The following SPTBN1 variants were observed in gnomAD, a reference collection of about 807,000 sequenced individuals.
SPTBN1 encodes the protein spectrin beta, non-erythrocytic 1.
In SPTBN1, 32 loss-of-function variants were observed where a neutral mutation model predicts 266.4. The observed-to-expected ratio is 0.12, with a 90% CI of 0.09 to 0.16. The LOEUF (loss-of-function observed/expected upper bound fraction) is 0.16. Among genes scored for constraint, SPTBN1 ranks in the 10% least tolerant of loss-of-function variants. SPTBN1 has a pLI of 1.00. For synonymous variants in SPTBN1, 1,336 were observed against 1,162.2 expected (o/e 1.15, Z -3.04); for missense variants, 2,296 against 3,067.1 (o/e 0.75, Z 5.94).
At position 54,558,134 on chromosome 2, in the gene SPTBN1, T is replaced by A; in HGVS notation, c.148+31568T>A. The A allele has an allele frequency of 5.1e-6, 5 of 985,344 alleles. No homozygotes were observed. The highest frequency in any genetic ancestry group is 6.0e-6 in the Non-Finnish European group (5 of 829,886). The allele number at this position is 985,344 out of a possible 1,614,324, so 61.0% of individuals were successfully genotyped here. A position where few individuals can be genotyped will look rare whatever the true frequency, so the allele number is the denominator to read the frequency against. On this transcript the variant is annotated intron_variant, in intron 2 of 35. Coordinates refer to ENST00000356805, the MANE Select transcript of SPTBN1 (RefSeq NM_003128.3). This position sits in a 1 kb window ranked among gnomAD's most constrained non-coding sequence, Gnocchi z 4.6. ...CAAAAGATTGTAATTCCAGCAGCTCTGTTTGGGAAGGCACTACCGCGGCGA... is the reference window on the plus strand; with the variant it reads ...CAAAAGATTGTAATTCCAGCAGCTCAGTTTGGGAAGGCACTACCGCGGCGA...
Position 54,626,186 on chromosome 2 carries a change from G to A in SPTBN1, c.1596G>A (p.Lys532=). The A allele has an allele frequency of 6.2e-7, 1 of 1,614,220 alleles. No individual in the cohort carries two copies. Among genetic ancestry groups the A allele is most frequent in the Non-Finnish European group, 8.5e-7 (1 of 1,180,048 alleles). ...TCGAGATGAACCTGGGGCTGCAGAA[G>A]ATATTCCAGGAAATGCTCTACATTA... The part of the protein sequence containing the change: ...QRLEMNLGLQ[K]IFQEMLYIMD... The change falls in exon 12 of 36, where the codon AAG becomes AAA. Residue 532 remains lysine, a synonymous_variant. Transcript: ENST00000356805. This position sits in a 1 kb window ranked among gnomAD's most constrained non-coding sequence, Gnocchi z 4.7.
Position 54,664,803 on chromosome 2 carries a change from T to C in SPTBN1, c.6659+112T>C. 1 of 1,115,878 alleles carries C rather than the reference T, an allele frequency of 9.0e-7. No homozygotes were observed. The highest frequency in any genetic ancestry group is 1.3e-6 in the Non-Finnish European group (1 of 786,808). The allele number at this position is 1,115,878 out of a possible 1,614,324, so 69.1% of individuals were successfully genotyped here. A position where few individuals can be genotyped will look rare whatever the true frequency, so the allele number is the denominator to read the frequency against. The stretch of plus-strand genomic sequence containing the variant: ...ATGTGCTCATGTAGTTTTATTCCTT[T>C]GGTAGCTTCCTGGACATTGCATTCT... On this transcript the variant is annotated intron_variant, in intron 33 of 35. Transcript: ENST00000356805. This position sits in a 1 kb window ranked among gnomAD's most constrained non-coding sequence, Gnocchi z 5.6.
intron 1 of SPTBN1, among the ~76,000 whole-genome samples, chr2:54,493,001 C>CTTT (rs70944171): frequency 7.7e-4 from 87 of 112,888 alleles, no homozygotes; most frequent in African/African-American, 2.4e-3. Context: ...AATAACATAT[C>CTTT]TTTTTTTTTT....
At chr2:54,655,757 C>A (rs187245630) in intron 28 of SPTBN1, among the ~76,000 whole-genome samples, 157 bp from the exon 29 acceptor site, 1 of 152,226 alleles carries the variant, frequency 6.6e-6, no homozygotes, top group African/African-American at 2.4e-5. Flanking sequence ...GCTTTTCTTT[C>A]CTCTCCCAGT....
chr2:54,468,446 G>A (rs931733675), intron 1 of SPTBN1, among the ~76,000 whole-genome samples: 1 of 149,834 alleles, frequency 6.7e-6, no homozygotes, highest in African/African-American at 2.5e-5. Flanking sequence ...TACATATTAA[G>A]GGCCAATCCT....
intron 2 of SPTBN1, among the ~76,000 whole-genome samples, chr2:54,593,353 A>G (rs1019964354): frequency 1.3e-5 from 2 of 152,080 alleles, no homozygotes; most frequent in African/African-American, 4.8e-5. Context: ...CACCCCTGTC[A>G]TGTCACAGAG....
At chr2:54,522,697 G>GAGAAAGAGAAAGAAAGAAAGAA (rs1553439439) in intron 1 of SPTBN1, among the ~76,000 whole-genome samples, 151 of 97,220 alleles carry the variant, frequency 1.6e-3, no homozygotes, top group African/African-American at 5.9e-3. Flanking sequence ...GAGAGAGAGA[G>GAGAAAGAGAAAGAAAGAAAGAA]AGAAAGAAAG....
At chr2:54,594,403 A>G (rs1021210509) in intron 2 of SPTBN1, among the ~76,000 whole-genome samples, 3 of 152,250 alleles carry the variant, frequency 2.0e-5, no homozygotes, top group Non-Finnish European at 4.4e-5. Flanking sequence ...TTTACATTGT[A>G]TTAGTTATGA....
chr2:54,643,343 C>G (rs1268011328), intron 19 of SPTBN1, among the ~76,000 whole-genome samples: 2 of 152,142 alleles, frequency 1.3e-5, no homozygotes, highest in Non-Finnish European at 2.9e-5. Flanking sequence ...GTAGAAAATG[C>G]TTGATTTATC....
At chr2:54,569,849 AG>A (rs1673932599) in intron 2 of SPTBN1, among the ~76,000 whole-genome samples, 2 of 152,164 alleles carry the variant, frequency 1.3e-5, no homozygotes. Flanking sequence ...CAGCAGGGTG[AG>A]CCTTGTAAAC....
chr2:54,470,890 A>G (rs1001668371), intron 1 of SPTBN1, among the ~76,000 whole-genome samples: 2 of 152,230 alleles, frequency 1.3e-5, no homozygotes, highest in Non-Finnish European at 2.9e-5. Flanking sequence ...TGTCCAACCT[A>G]CAGCCTTTGA....
At chr2:54,522,786 G>A (rs754668620) in intron 1 of SPTBN1, among the ~76,000 whole-genome samples, 2 of 152,098 alleles carry the variant, frequency 1.3e-5, no homozygotes, top group African/African-American at 4.8e-5. Context: ...ATTCGCAGGT[G>A]GGGGCAGGGC....
intron 1 of SPTBN1, among the ~76,000 whole-genome samples, chr2:54,463,008 T>G (rs996278658): frequency 2.0e-5 from 3 of 152,236 alleles, no homozygotes; most frequent in African/African-American, 7.2e-5. Context: ...ATAAGATACT[T>G]GAGAAACTCA....
intron 9 of SPTBN1, 90 bp downstream of exon 9, chr2:54,622,577 T>C: frequency 6.9e-7 from 1 of 1,448,874 alleles, no homozygotes; most frequent in Non-Finnish European, 9.5e-7. Context: ...TGTAATCTCA[T>C]CTCTTAACTG....
At position 54,670,954 on chromosome 2, in the gene SPTBN1, TTTTG is replaced by T. The variant is rs988315815; in HGVS notation, c.*2389_*2392del. 7.6e-6 allele frequency: 3 copies of T among 397,130 alleles called. No homozygotes were observed. The highest frequency in any genetic ancestry group is 4.4e-5 in the Admixed American group (1 of 22,696). The allele number at this position is 397,130 out of a possible 1,614,324, so 24.6% of individuals were successfully genotyped here. A position where few individuals can be genotyped will look rare whatever the true frequency, so the allele number is the denominator to read the frequency against. The stretch of plus-strand genomic sequence containing the variant: ...TGGCAGGGTAAATAGTTTTTGGGTT[TTTTG>T]TTTTTTTTTTATTCTTCCACTATCA... On this transcript the variant is annotated 3_prime_UTR_variant, in exon 36 of 36. Coordinates refer to ENST00000356805, the MANE Select transcript of SPTBN1 (RefSeq NM_003128.3).
In SPTBN1 at chr2:54,481,391, A is replaced by AGTGTGTGTGT. The variant is rs72077761; in HGVS notation, c.-48+24914_-48+24923dup. On this transcript the variant is annotated intron_variant, in intron 1 of 35. Coordinates refer to ENST00000356805, the MANE Select transcript of SPTBN1 (RefSeq NM_003128.3). ...GAAGATTAGAGGCTGCAGAAACCTG[A>AGTGTGTGTGT]GTGTGTGTGTGTGTGTGTGTGTGTG... Among the ~76,000 whole-genome samples, 26 of 117,406 alleles carry AGTGTGTGTGT rather than the reference A, an allele frequency of 2.2e-4. 1 individual carries two copies. Among genetic ancestry groups the AGTGTGTGTGT allele is most frequent in the East Asian group, 1.6e-3 (6 of 3,866 alleles). 77.0% of individuals were successfully genotyped at this position (117,406 alleles called of 152,430 possible). A position where few individuals can be genotyped will look rare whatever the true frequency, so the allele number is the denominator to read the frequency against.
chr2:54,569,363 C>G (rs547207613), intron 2 of SPTBN1, among the ~76,000 whole-genome samples: 100 of 152,218 alleles, frequency 6.6e-4, no homozygotes, highest in Non-Finnish European at 9.9e-4. Flanking sequence ...TCCTGTTACT[C>G]TAGATACTTT....
intron 3 of SPTBN1, among the ~76,000 whole-genome samples, chr2:54,608,799 T>TC (rs1179480371): frequency 1.3e-5 from 2 of 152,010 alleles, no homozygotes; most frequent in African/African-American, 2.4e-5. Context: ...TGCATTTGAT[T>TC]CCCCCAAAAC....
At chr2:54,660,893 T>C (rs760485456) in intron 32 of SPTBN1, 22 of 985,340 alleles carry the variant, frequency 2.2e-5, no homozygotes, top group Non-Finnish European at 2.7e-5. Context: ...TTTTAGAAGC[T>C]TGCCTCACAG....
Sources: gnomAD v4.1 joint callset for allele counts (sites outside exome capture counted in the v4.1 genomes callset) on GRCh38, gnomAD v4.1.1 for gene constraint, Gnocchi (gnomAD v3.1) non-coding constraint, MANE v1.5 for transcripts, NCBI Gene and HGNC (gene_info 2026-07-23, HGNC 2026-07-21) for gene names.